Variants in KAZN observed in about 807,000 individuals in gnomAD.
KAZN encodes the protein kazrin.
A neutral mutation model predicts 87.4 loss-of-function variants in KAZN; 40 were observed. The observed-to-expected ratio is 0.46, with a 90% CI of 0.36 to 0.60. The LOEUF is 0.60. Ranked by LOEUF, KAZN falls within the 20% of genes least tolerant of loss-of-function variation. The pLI, the probability that KAZN is intolerant of heterozygous loss-of-function variation, is 0.00. For synonymous variants in KAZN, 466 were observed against 458.3 expected, an observed-to-expected ratio of 1.02 and a Z score of -0.22; for missense variants, 898 against 1,073.9, an observed-to-expected ratio of 0.84 and a Z score of 2.29.
chr1:13,965,921 G>T (rs1181631702), intron 1 of KAZN, among the ~76,000 whole-genome samples: 1 of 152,070 alleles, frequency 6.6e-6, no homozygotes, highest in Non-Finnish European at 1.5e-5. Context: ...CAAGCTGAAC[G>T]TCCTCCTGCA....
At chr1:13,920,540 C>G (rs1371658050) in intron 1 of KAZN, among the ~76,000 whole-genome samples, 1 of 152,166 alleles carries the variant, frequency 6.6e-6, no homozygotes, top group African/African-American at 2.4e-5. Flanking sequence ...TGAAAAGTGG[C>G]TCAACAGTCA....
intron 2 of KAZN, among the ~76,000 whole-genome samples, chr1:14,511,106 G>A (rs571223688): frequency 4.6e-4 from 56 of 122,418 alleles, no homozygotes; most frequent in African/African-American, 1.6e-3. Context: ...AGTTATCTGC[G>A]GGGGGTGGGA....
intron 1 of KAZN, among the ~76,000 whole-genome samples, chr1:13,965,162 TA>T (rs978686926): frequency 6.6e-6 from 1 of 151,940 alleles, no homozygotes; most frequent in Non-Finnish European, 1.5e-5. Context: ...GGGTGGGCGC[TA>T]GAGAGGTTTG....
At chr1:14,136,136 A>G (rs886368184) in intron 1 of KAZN, among the ~76,000 whole-genome samples, 6 of 152,100 alleles carry the variant, frequency 3.9e-5, no homozygotes, top group African/African-American at 1.4e-4. Context: ...AAAGGATCAC[A>G]TCTTGGTGGG....
intron 1 of KAZN, among the ~76,000 whole-genome samples, chr1:14,899,664 C>G (rs935098803): frequency 6.6e-6 from 1 of 152,140 alleles, no homozygotes; most frequent in Non-Finnish European, 1.5e-5. Flanking sequence ...TCTTTCCTCT[C>G]CTGTCCATTC....
At chr1:14,062,233 G>A (rs2101521607) in intron 1 of KAZN, among the ~76,000 whole-genome samples, 1 of 152,254 alleles carries the variant, frequency 6.6e-6, no homozygotes, top group African/African-American at 2.4e-5. Flanking sequence ...ATGTTTCTGA[G>A]TATGACAAAA....
At chr1:14,296,854 C>T (rs1035144281) in intron 2 of KAZN, among the ~76,000 whole-genome samples, 4 of 152,028 alleles carry the variant, frequency 2.6e-5, no homozygotes, top group African/African-American at 9.7e-5. Context: ...CCAGGATGGT[C>T]TCAGTCTCCT....
intron 1 of KAZN, among the ~76,000 whole-genome samples, chr1:14,073,912 T>C (rs918917940): frequency 2.0e-5 from 3 of 152,174 alleles, no homozygotes; most frequent in Non-Finnish European, 2.9e-5. Flanking sequence ...TGGGTATATA[T>C]CCAGTAATGG....
chr1:14,745,212 T>C (rs2100455824), intron 1 of KAZN, among the ~76,000 whole-genome samples: 1 of 148,228 alleles, frequency 6.7e-6, no homozygotes, highest in Admixed American at 6.8e-5. Context: ...CCAAGACCGA[T>C]CTGCAGCCTG....
intron 2 of KAZN, among the ~76,000 whole-genome samples, chr1:14,565,157 C>T (rs1033788227): frequency 1.3e-5 from 2 of 152,182 alleles, no homozygotes; most frequent in South Asian, 4.1e-4. Flanking sequence ...ATTGTAGCAT[C>T]CTTTCCTCTC....
chr1:14,551,081 T>C (rs1350428959), intron 2 of KAZN, among the ~76,000 whole-genome samples: 1 of 152,090 alleles, frequency 6.6e-6, no homozygotes, highest in African/African-American at 2.4e-5. Context: ...TGAATCAGAA[T>C]AGTCATTATG....
At chr1:14,452,831 C>T (rs1432710825) in intron 2 of KAZN, among the ~76,000 whole-genome samples, 1 of 152,184 alleles carries the variant, frequency 6.6e-6, no homozygotes, top group Non-Finnish European at 1.5e-5. Flanking sequence ...CTTTCTTGAG[C>T]TCTGCTGCTG....
At chr1:14,340,887 C>CTTTTTTTTTTTTTTTT (rs1557650364) in intron 2 of KAZN, among the ~76,000 whole-genome samples, 5 of 45,114 alleles carry the variant, frequency 1.1e-4, no homozygotes, top group African/African-American at 6.1e-4. Flanking sequence ...CATGATTTTC[C>CTTTTTTTTTTTTTTTT]CTTTTTTTTT....
chr1:14,704,263 G>T (rs1208438603), intron 1 of KAZN, among the ~76,000 whole-genome samples: 1 of 152,166 alleles, frequency 6.6e-6, no homozygotes, highest in African/African-American at 2.4e-5. Flanking sequence ...CCAACCATAA[G>T]GATCCTGTTA....
rs762613728 is a variant in KAZN, at chr1:14,858,209, C to CTTTTTTTTTTTTTTTTTTTTTTT, written c.227-102471_227-102470insTTTTTTTTTTTTTTTTTTTTTTT. ...CTTTCTTTTTTTCTTTTTTCTTTTT[C>CTTTTTTTTTTTTTTTTTTTTTTT]TTTTCTTTTTTTTTTTTTTTTGAGA... On this transcript the variant is annotated intron_variant, in intron 1 of 14. Coordinates refer to ENST00000376030, the MANE Select transcript of KAZN (RefSeq NM_201628.3). Among the ~76,000 whole-genome samples, 43 of 115,880 alleles carry CTTTTTTTTTTTTTTTTTTTTTTT rather than the reference C, an allele frequency of 3.7e-4. 3 individuals carry two copies. Among genetic ancestry groups the CTTTTTTTTTTTTTTTTTTTTTTT allele is most frequent in the African/African-American group, 4.6e-4 (12 of 26,362 alleles). 76.0% of individuals were successfully genotyped at this position (115,880 alleles called of 152,430 possible). A position where few individuals can be genotyped will look rare whatever the true frequency, so the allele number is the denominator to read the frequency against.
chr1:14,412,106 T>C (rs112624577), intron 2 of KAZN, among the ~76,000 whole-genome samples: 1 of 152,078 alleles, frequency 6.6e-6, no homozygotes, highest in Non-Finnish European at 1.5e-5. Context: ...CAGGGGGTCA[T>C]AGGAAAGAGG....
intron 5 of KAZN, among the ~76,000 whole-genome samples, chr1:15,059,440 G>T (rs1638588560): frequency 6.6e-6 from 1 of 152,214 alleles, no homozygotes; most frequent in South Asian, 2.1e-4. Context: ...GCTGGGGTAG[G>T]CAGGGCCGTG....
intron 2 of KAZN, among the ~76,000 whole-genome samples, chr1:14,422,806 A>G (rs1450907063): frequency 1.3e-5 from 2 of 152,176 alleles, no homozygotes; most frequent in Non-Finnish European, 2.9e-5. Flanking sequence ...TTCTTAGACC[A>G]TTGTCTGGGT....
intron 2 of KAZN, among the ~76,000 whole-genome samples, chr1:14,472,776 T>C (rs1202193293): frequency 1.3e-5 from 2 of 152,262 alleles, no homozygotes; most frequent in Non-Finnish European, 1.5e-5. Flanking sequence ...AAACTGGCTT[T>C]CCTTATTCTC....
Sources: allele counts gnomAD v4.1 joint callset (sites outside exome capture counted in the v4.1 genomes callset), GRCh38; gene constraint gnomAD v4.1.1; transcripts MANE v1.5; gene names NCBI Gene and HGNC (gene_info 2026-07-23, HGNC 2026-07-21).